Variants in DLG1 observed in about 807,000 individuals in gnomAD.
DLG1 encodes the protein discs large MAGUK scaffold protein 1.
In DLG1, 42 loss-of-function variants were observed where a neutral mutation model predicts 123.4. That is an observed-to-expected ratio of 0.34 (90% CI 0.27 to 0.44). DLG1 has a LOEUF of 0.44. DLG1 is among the 20% of genes least tolerant of loss of function. The pLI is 1.00. For synonymous variants in DLG1, 317 were observed against 356.2 expected (o/e 0.89, Z 1.24); for missense variants, 942 against 1,082.6 (o/e 0.87, Z 1.82).
At chr3:197,144,753 T>C (rs529904140) in intron 6 of DLG1, among the ~76,000 whole-genome samples, 1 of 152,330 alleles carries the variant, frequency 6.6e-6, no homozygotes, top group Admixed American at 6.5e-5. Flanking sequence ...CAAACCCTAT[T>C]ACTATTTTGT....
chr3:197,287,503 C>G (rs1772452722), intron 3 of DLG1, among the ~76,000 whole-genome samples: 1 of 151,748 alleles, frequency 6.6e-6, no homozygotes, highest in African/African-American at 2.4e-5. Context: ...TTGATAAACC[C>G]AACCATATAT....
At chr3:197,078,022 G>A (rs1480659045) in intron 17 of DLG1, among the ~76,000 whole-genome samples, 1 of 151,760 alleles carries the variant, frequency 6.6e-6, no homozygotes, top group Non-Finnish European at 1.5e-5. Flanking sequence ...AGGTAATTAA[G>A]GTGAAGCAGC....
chr3:197,172,830 C>T (rs547317915), intron 5 of DLG1, among the ~76,000 whole-genome samples: 3 of 152,262 alleles, frequency 2.0e-5, no homozygotes, highest in South Asian at 2.1e-4. Flanking sequence ...AATGAATTGC[C>T]TAATAATGTC....
At position 197,181,970 on chromosome 3, in the gene DLG1, C is replaced by T. The variant is rs6766305; in HGVS notation, c.483+12455G>A. 8.4e-3 allele frequency among the ~76,000 whole-genome samples: 1,284 copies of T among 152,258 alleles called. 18 individuals carry two copies. Among genetic ancestry groups the T allele is most frequent in the African/African-American group, 0.029 (1,217 of 41,548 alleles). On this transcript the variant is annotated intron_variant, in intron 5 of 24. Transcript: ENST00000667157. The stretch of plus-strand genomic sequence containing the variant: ...ATCACAGCAACGTTCTGCTCCTACT[C>T]CCAAGCGGCTATAACGTAACTCTGT...
chr3:197,255,335 T>C (rs1296636439), intron 4 of DLG1, among the ~76,000 whole-genome samples: 1 of 152,168 alleles, frequency 6.6e-6, no homozygotes, highest in Non-Finnish European at 1.5e-5. Flanking sequence ...AAAACGTAGG[T>C]TGCCTTAATC....
chr3:197,109,750 A>C (rs1198009366), intron 13 of DLG1, among the ~76,000 whole-genome samples: 1 of 152,182 alleles, frequency 6.6e-6, no homozygotes, highest in Non-Finnish European at 1.5e-5. Context: ...TATTTTCAAA[A>C]GATAGTTTTG....
intron 4 of DLG1, among the ~76,000 whole-genome samples, chr3:197,275,437 T>G (rs1765937100): frequency 6.6e-6 from 1 of 152,208 alleles, no homozygotes; most frequent in South Asian, 2.1e-4. Flanking sequence ...AAGAGAGATC[T>G]ACATGCCCAT....
At position 197,043,662 on chromosome 3, in the gene DLG1, TTATA is replaced by T. The variant is rs199576413; in HGVS notation, c.*957_*960del. 1 of 150,848 alleles carries T rather than the reference TTATA, an allele frequency of 6.6e-6. No homozygotes were observed. The highest frequency in any genetic ancestry group is 1.5e-5 in the Non-Finnish European group (1 of 67,722). 9.3% of individuals were successfully genotyped at this position (150,848 alleles called of 1,614,324 possible). A position where few individuals can be genotyped will look rare whatever the true frequency, so the allele number is the denominator to read the frequency against. On this transcript the variant is annotated 3_prime_UTR_variant, in exon 25 of 25. Transcript: ENST00000667157. ...TTTAAAGAAAGTTTTATATATATAT[TTATA>T]TATATTTTATTATAACAAAATAGGC...
chr3:197,282,688 A>G lies in DLG1; in HGVS notation c.309T>C (p.Pro103=). 6 of 1,585,458 alleles carry G rather than the reference A, an allele frequency of 3.8e-6. No individual in the cohort carries two copies. Among genetic ancestry groups the G allele is most frequent in the Non-Finnish European group, 5.1e-6 (6 of 1,170,370 alleles). Residue 103 remains proline, a synonymous_variant, in exon 4 of 25, where the codon CCT becomes CCC. Transcript: ENST00000667157. ...TSETLPSSLS[P]SVEKYRYQDE... ...ACATTTTTTATCTCACCTCTACACT[A>G]GGGCTAAGGCTGCTTGGCAGTGTCT...
intron 14 of DLG1, among the ~76,000 whole-genome samples, chr3:197,101,784 T>C (rs1025011444): frequency 2.0e-5 from 3 of 151,924 alleles, no homozygotes; most frequent in African/African-American, 4.8e-5. Flanking sequence ...CCAGTTCCCA[T>C]GTTCGATTAT....
At chr3:197,248,017 G>A (rs1295279339) in intron 4 of DLG1, among the ~76,000 whole-genome samples, 1 of 152,114 alleles carries the variant, frequency 6.6e-6, no homozygotes, top group Non-Finnish European at 1.5e-5. Flanking sequence ...TTATAGGAGG[G>A]CCGCCATCAG....
intron 15 of DLG1, among the ~76,000 whole-genome samples, chr3:197,087,558 C>T (rs1755160829): frequency 6.6e-6 from 1 of 152,112 alleles, no homozygotes; most frequent in South Asian, 2.1e-4. Context: ...CACACTGTGT[C>T]TATTTCTTCT....
intron 5 of DLG1, among the ~76,000 whole-genome samples, chr3:197,176,022 C>T (rs558815680): frequency 4.0e-4 from 61 of 152,092 alleles, no homozygotes; most frequent in East Asian, 1.2e-3. Flanking sequence ...TTTTGCCTAT[C>T]TATCCTTGAC....
At chr3:197,116,187 A>G (rs2149404632) in intron 12 of DLG1, 104 bp from the exon 13 acceptor site, 1 of 845,244 alleles carries the variant, frequency 1.2e-6, no homozygotes, top group Middle Eastern at 2.7e-4. Flanking sequence ...CAAACTACAA[A>G]GAAAGCTAGA....
Position 197,165,543 on chromosome 3 carries a change from A to G in DLG1, c.484-15747T>C, listed in dbSNP as rs548873106. ...GTAAACTTTAACACAATAAAAAAGTATACTACGAATAAAGCCTCCGTGGGT... is the reference window on the plus strand; with the variant it reads ...GTAAACTTTAACACAATAAAAAAGTGTACTACGAATAAAGCCTCCGTGGGT... On this transcript the variant is annotated intron_variant, in intron 5 of 24. Coordinates refer to ENST00000667157, the MANE Select transcript of DLG1 (RefSeq NM_001366207.1). Among the ~76,000 whole-genome samples the G allele has an allele frequency of 3.8e-3, 573 of 152,346 alleles. 4 individuals carry two copies. Among genetic ancestry groups the G allele is most frequent in the South Asian group, 0.017 (84 of 4,824 alleles).
chr3:197,063,498 C>T (rs1345372910), intron 22 of DLG1, among the ~76,000 whole-genome samples: 1 of 152,070 alleles, frequency 6.6e-6, no homozygotes, highest in Non-Finnish European at 1.5e-5. Flanking sequence ...TTTGTATTTT[C>T]CCATTTTCTC....
At chr3:197,225,228 T>C (rs1272982607) in intron 4 of DLG1, among the ~76,000 whole-genome samples, 1 of 152,204 alleles carries the variant, frequency 6.6e-6, no homozygotes, top group Admixed American at 6.5e-5. Flanking sequence ...TTGTTTTTGA[T>C]TGCAGAAATC....
chr3:197,045,385 A>T (rs778332826), intron 24 of DLG1, among the ~76,000 whole-genome samples: 1 of 152,214 alleles, frequency 6.6e-6, no homozygotes, highest in Non-Finnish European at 1.5e-5. Flanking sequence ...CAAACAAACA[A>T]ACAAAAACAA....
At chr3:197,270,418 G>A (rs1004399842) in intron 4 of DLG1, among the ~76,000 whole-genome samples, 12 of 152,074 alleles carry the variant, frequency 7.9e-5, no homozygotes, top group African/African-American at 1.2e-4. Flanking sequence ...TATCACACAA[G>A]CTACTCAAAT....
Sources: allele counts gnomAD v4.1 joint callset (sites outside exome capture counted in the v4.1 genomes callset), GRCh38; gene constraint gnomAD v4.1.1; transcripts MANE v1.5; gene names NCBI Gene and HGNC (gene_info 2026-07-23, HGNC 2026-07-21).